The following KAZN variants were observed in gnomAD, a reference collection of about 807,000 sequenced individuals.
KAZN encodes kazrin, periplakin interacting protein.
KAZN carries 40 observed loss-of-function variants against 87.4 expected under a neutral mutation model. That is an observed-to-expected ratio of 0.46 (90% CI 0.36 to 0.60). The LOEUF (loss-of-function observed/expected upper bound fraction) is 0.60. KAZN is among the 20% of genes least tolerant of loss of function. The probability of loss-of-function intolerance (pLI) is 0.00; values close to 1 mark genes in which losing one functional copy is unlikely to be tolerated. For missense variants in KAZN, 898 were observed against 1,073.9 expected, an observed-to-expected ratio of 0.84 and a Z score of 2.29; for synonymous variants, 466 against 458.3, an observed-to-expected ratio of 1.02 and a Z score of -0.22.
At chr1:13,936,410 C>A (rs1640747315) in intron 1 of KAZN, among the ~76,000 whole-genome samples, 1 of 151,918 alleles carries the variant, frequency 6.6e-6, no homozygotes, top group Admixed American at 6.6e-5. Flanking sequence ...CCTACAAGTG[C>A]AGTTTTGCTA....
chr1:14,282,784 T>C (rs1263861120), intron 2 of KAZN, among the ~76,000 whole-genome samples: 1 of 152,138 alleles, frequency 6.6e-6, no homozygotes, highest in African/African-American at 2.4e-5. Flanking sequence ...TCACAGTTGG[T>C]GAGGTTGCCT....
chr1:13,923,499 G>T (rs910737115), intron 1 of KAZN, among the ~76,000 whole-genome samples: 1 of 151,248 alleles, frequency 6.6e-6, no homozygotes, highest in Non-Finnish European at 1.5e-5. Context: ...CGTGAACCCG[G>T]GAGGCGGAGC....
chr1:14,273,803 A>G (rs903432885), intron 2 of KAZN, among the ~76,000 whole-genome samples: 1 of 151,006 alleles, frequency 6.6e-6, no homozygotes, highest in African/African-American at 2.4e-5. Flanking sequence ...TCAAAACAAG[A>G]TCTTTCTCAA....
At chr1:14,681,103 C>T (rs1328215188) in intron 1 of KAZN, among the ~76,000 whole-genome samples, 1 of 152,190 alleles carries the variant, frequency 6.6e-6, no homozygotes, top group Non-Finnish European at 1.5e-5. Flanking sequence ...CCCTCATCAT[C>T]AAGGGGGCTG....
intron 2 of KAZN, among the ~76,000 whole-genome samples, chr1:14,229,155 C>T (rs1031618428): frequency 2.0e-5 from 3 of 152,084 alleles, no homozygotes; most frequent in African/African-American, 4.8e-5. Context: ...AATTGCACCA[C>T]GAACGGCAAA....
At chr1:14,145,302 G>A (rs1036278947) in intron 1 of KAZN, among the ~76,000 whole-genome samples, 11 of 152,030 alleles carry the variant, frequency 7.2e-5, no homozygotes, top group African/African-American at 2.4e-4. Flanking sequence ...AAAATTAGCC[G>A]GGCATGGTGG....
chr1:13,949,522 T>C (rs1157138802), intron 1 of KAZN, among the ~76,000 whole-genome samples: 1 of 143,466 alleles, frequency 7.0e-6, no homozygotes, highest in East Asian at 2.0e-4. Context: ...AGCATCTCTG[T>C]GTGACGAGGT....
In KAZN at chr1:14,052,362, T is replaced by C. The variant is rs140434823; in HGVS notation, c.92-128073T>C. Reference sequence around the variant, plus strand: ...CAAAAAATAAAAATCAAAAGAGATATTGGGCACTATGATAATCTGCAAAAA... The same window carrying C: ...CAAAAAATAAAAATCAAAAGAGATACTGGGCACTATGATAATCTGCAAAAA... On this transcript the variant is annotated intron_variant, in intron 1 of 16. Coordinates refer to the KAZN transcript ENST00000636203. Among the ~76,000 whole-genome samples the C allele has an allele frequency of 3.3e-3, 496 of 152,354 alleles. 3 individuals are homozygous for C. Among genetic ancestry groups the C allele is most frequent in the African/African-American group, 0.011 (465 of 41,574 alleles).
At chr1:14,743,076 G>T (rs887142484) in intron 1 of KAZN, among the ~76,000 whole-genome samples, 2 of 152,198 alleles carry the variant, frequency 1.3e-5, no homozygotes, top group African/African-American at 4.8e-5. Flanking sequence ...GGCCAGAGTG[G>T]TGCGTCGCAG....
At chr1:14,624,436 AC>A (rs1678952114) in intron 1 of KAZN, among the ~76,000 whole-genome samples, 1 of 125,932 alleles carries the variant, frequency 7.9e-6, no homozygotes, top group Admixed American at 7.0e-5. Flanking sequence ...AAAAAAAAAA[AC>A]AACAAAAAAA....
intron 2 of KAZN, among the ~76,000 whole-genome samples, chr1:14,376,961 C>T (rs1333426843): frequency 6.6e-6 from 1 of 152,154 alleles, no homozygotes; most frequent in Admixed American, 6.5e-5. Context: ...GTGCTGAGTA[C>T]CAAATAGGAT....
chr1:13,971,869 C>T (rs1570421553), intron 1 of KAZN, among the ~76,000 whole-genome samples: 1 of 152,280 alleles, frequency 6.6e-6, no homozygotes, highest in East Asian at 1.9e-4. Flanking sequence ...CCCTCTTGCT[C>T]CTGCTTCCTC....
chr1:15,024,425 G>A (rs1670980850), intron 2 of KAZN, among the ~76,000 whole-genome samples: 1 of 152,234 alleles, frequency 6.6e-6, no homozygotes, highest in Admixed American at 6.5e-5. Context: ...GTTCCAAAAG[G>A]AAGAAGAGAA....
chr1:14,058,093 G>T (rs1019562911), intron 1 of KAZN, among the ~76,000 whole-genome samples: 1 of 152,086 alleles, frequency 6.6e-6, no homozygotes, highest in Non-Finnish European at 1.5e-5. Flanking sequence ...CCCAGGTGGG[G>T]ATGTCACAGA....
intron 2 of KAZN, among the ~76,000 whole-genome samples, chr1:14,515,043 A>T (rs539094353): frequency 6.6e-6 from 1 of 152,242 alleles, no homozygotes; most frequent in East Asian, 1.9e-4. Context: ...ACTGTGCTCC[A>T]TTTCCAAACC....
At chr1:14,340,798 T>G (rs1048515424) in intron 2 of KAZN, among the ~76,000 whole-genome samples, 2 of 152,086 alleles carry the variant, frequency 1.3e-5, no homozygotes, top group Admixed American at 1.3e-4. Flanking sequence ...TTGAATCAGT[T>G]AAAACAATTA....
intron 1 of KAZN, among the ~76,000 whole-genome samples, chr1:14,691,815 GT>G (rs1328868628): frequency 6.6e-6 from 1 of 151,880 alleles, no homozygotes; most frequent in East Asian, 1.9e-4. Flanking sequence ...AAACATCATT[GT>G]TTCCTATCTT....
chr1:14,628,857 T>C (rs866556203), intron 1 of KAZN, among the ~76,000 whole-genome samples: 9 of 151,160 alleles, frequency 6.0e-5, no homozygotes, highest in African/African-American at 2.2e-4. Context: ...TTTTTTTTTT[T>C]TTTTTTATAG....
chr1:14,892,499 A>C (rs2801174), intron 1 of KAZN, among the ~76,000 whole-genome samples: 134,295 of 151,378 alleles, frequency 0.89, 59,629 homozygotes, highest in East Asian at 0.93. Context: ...CCCAGACACC[A>C]CCATGGAGCT....
Sources: allele counts gnomAD v4.1 joint callset (sites outside exome capture counted in the v4.1 genomes callset), GRCh38; gene constraint gnomAD v4.1.1; transcripts MANE v1.5; gene names NCBI Gene and HGNC (gene_info 2026-07-23, HGNC 2026-07-21).